Variants in SETBP1 observed in about 807,000 individuals in gnomAD.
The protein encoded by SETBP1 is SET-binding protein.
A neutral mutation model predicts 101.0 loss-of-function variants in SETBP1; 9 were observed. The observed-to-expected ratio is 0.09, with a 90% CI of 0.05 to 0.16. The LOEUF is 0.16. Ranked by LOEUF, SETBP1 falls within the 10% of genes least tolerant of loss-of-function variation. The pLI is 1.00. For synonymous variants in SETBP1, 818 were observed against 788.5 expected (o/e 1.04, Z -0.63); for missense variants, 1,858 against 2,033.8 (o/e 0.91, Z 1.66).
At chr18:44,980,349 T>C (rs1021034275) in intron 4 of SETBP1, among the ~76,000 whole-genome samples, 1 of 152,092 alleles carries the variant, frequency 6.6e-6, no homozygotes, top group Non-Finnish European at 1.5e-5. Flanking sequence ...TTTAGTAGGG[T>C]TGGAAATGAG....
Position 44,916,290 on chromosome 18 carries a change from C to G in SETBP1, c.541-33591C>G, listed in dbSNP as rs538843662. 2.0e-5 allele frequency among the ~76,000 whole-genome samples: 3 copies of G among 152,258 alleles called. No individual in the cohort carries two copies. The South Asian group carries it at 6.2e-4, about 32-fold the overall frequency. ...AATCATCCTTCTTATTGATGCTACT[C>G]TTAGTCCAAACAAACATCTGTTTCT... is the stretch of plus-strand genomic sequence containing the variant. On this transcript the variant is annotated intron_variant, in intron 3 of 5. Transcript: ENST00000649279.
intron 1 of SETBP1, among the ~76,000 whole-genome samples, chr18:44,699,813 C>A (rs553484854): frequency 6.6e-6 from 1 of 152,222 alleles, no homozygotes; most frequent in Non-Finnish European, 1.5e-5. Context: ...CTGGCTTCCT[C>A]ACAGGGCGTC....
At chr18:44,693,214 G>C (rs2068962755) in intron 1 of SETBP1, among the ~76,000 whole-genome samples, 1 of 152,152 alleles carries the variant, frequency 6.6e-6, no homozygotes, top group Admixed American at 6.5e-5. Flanking sequence ...AGTGGTGTCT[G>C]TCTGGCCTCT....
intron 3 of SETBP1, among the ~76,000 whole-genome samples, chr18:44,909,480 T>C (rs1244181122): frequency 1.3e-5 from 2 of 152,220 alleles, no homozygotes; most frequent in African/African-American, 4.8e-5. Flanking sequence ...TGAGGTTTTC[T>C]CATTCAGTCT....
chr18:44,962,297 G>A (rs2071628384), intron 4 of SETBP1, among the ~76,000 whole-genome samples: 1 of 152,198 alleles, frequency 6.6e-6, no homozygotes. Context: ...GAAGATATTT[G>A]AGGGGTACAG....
chr18:44,900,491 T>A (rs1188321906), intron 3 of SETBP1, among the ~76,000 whole-genome samples: 2 of 152,234 alleles, frequency 1.3e-5, no homozygotes, highest in East Asian at 3.9e-4. Context: ...CTGTGTTTCA[T>A]AAGAAAATAG....
chr18:44,799,088 C>A (rs1434804505), intron 2 of SETBP1, among the ~76,000 whole-genome samples: 1 of 152,156 alleles, frequency 6.6e-6, no homozygotes, highest in East Asian at 1.9e-4. Flanking sequence ...GAGATCTGGC[C>A]TACAAGAAAC....
chr18:44,701,357 G>T lies in SETBP1; in HGVS notation c.11G>T (p.Arg4Met). Reference protein sequence around the residue: MESRETLSSSRQRG... With the variant: MESMETLSSSRQRG... ...ACTGTAGAGATTGTCATGGAGTCCA[G>T]GGAAACCTTAAGCAGCTCCCGGCAA... Residue 4 changes from arginine to methionine, a missense_variant, in exon 2 of 6, where the codon AGG (arginine) becomes ATG (methionine). Arg to Met is a moderately conservative substitution (Grantham distance 91). Around this residue, in one of 12 missense-constraint regions of SETBP1, gnomAD observed 97 missense variants for 101.2 expected, o/e 0.96. Transcript: ENST00000649279. 1 of 1,508,794 alleles carries T rather than the reference G, an allele frequency of 6.6e-7. No individual in the cohort carries two copies. Among genetic ancestry groups the T allele is most frequent in the Non-Finnish European group, 8.9e-7 (1 of 1,125,142 alleles). 93.5% of individuals were successfully genotyped at this position (1,508,794 alleles called of 1,614,324 possible).
intron 3 of SETBP1, among the ~76,000 whole-genome samples, chr18:44,889,020 A>G (rs2069710095): frequency 6.6e-6 from 1 of 152,092 alleles, no homozygotes; most frequent in Non-Finnish European, 1.5e-5. Flanking sequence ...CAGCAAATAA[A>G]TTTTATTTGC....
In SETBP1 at chr18:44,968,346, T is replaced by C. The variant is rs1380011186; in HGVS notation, c.4000+15006T>C. On this transcript the variant is annotated intron_variant, in intron 4 of 5. Transcript: ENST00000649279. ...ATGGATTTTATAGTCTATTAGTAGA[T>C]GTACAAGAAGAAGAAAAAGCAAATA... 2.0e-5 allele frequency among the ~76,000 whole-genome samples: 3 copies of C among 152,186 alleles called. No homozygotes were observed. In the East Asian group the frequency reaches 5.8e-4, roughly 29 times the overall value.
intron 2 of SETBP1, among the ~76,000 whole-genome samples, chr18:44,766,485 G>A (rs1034366790): frequency 6.6e-6 from 1 of 152,180 alleles, no homozygotes; most frequent in Non-Finnish European, 1.5e-5. Context: ...CAAGTATCTA[G>A]AGTAGTCACA....
chr18:44,855,634 G>A (rs572432215), intron 2 of SETBP1, among the ~76,000 whole-genome samples: 1 of 152,348 alleles, frequency 6.6e-6, no homozygotes, highest in South Asian at 2.1e-4. Context: ...CTTCAGGCTA[G>A]TAGCTTGACA....
chr18:44,801,229 A>G (rs1247387695), intron 2 of SETBP1, among the ~76,000 whole-genome samples: 1 of 152,138 alleles, frequency 6.6e-6, no homozygotes, highest in Admixed American at 6.5e-5. Flanking sequence ...ATGTATACAT[A>G]TGTAACAAAC....
chr18:44,688,538 C>A (rs1430090429), intron 1 of SETBP1, among the ~76,000 whole-genome samples: 1 of 151,720 alleles, frequency 6.6e-6, no homozygotes, highest in South Asian at 2.1e-4. Flanking sequence ...CTGCAACCTC[C>A]ACCTCCTGGG....
intron 3 of SETBP1, among the ~76,000 whole-genome samples, chr18:44,914,484 T>C (rs1568214365): frequency 6.6e-6 from 1 of 152,360 alleles, no homozygotes; most frequent in East Asian, 1.9e-4. Context: ...AAAGTCACAG[T>C]TTCTCTGTAT....
intron 2 of SETBP1, among the ~76,000 whole-genome samples, chr18:44,820,597 A>G (rs2072090820): frequency 6.6e-6 from 1 of 152,144 alleles, no homozygotes; most frequent in Non-Finnish European, 1.5e-5. Context: ...TCCATACTGG[A>G]GGAAAATAGT....
chr18:44,941,087 T>C (rs990625342), intron 3 of SETBP1, among the ~76,000 whole-genome samples: 8 of 145,370 alleles, frequency 5.5e-5, no homozygotes, highest in Admixed American at 2.1e-4. Flanking sequence ...CTTTTTTTTT[T>C]TTTTTTTTTT....
At position 44,712,417 on chromosome 18, in the gene SETBP1, T is replaced by C. The variant is rs192456301; in HGVS notation, c.486+10585T>C. ...CAGGCCAGTTATTTCATTTGTTTAGTGTTGTTCATGAGAACTCAGCTCAGG... is the reference window on the plus strand; with the variant it reads ...CAGGCCAGTTATTTCATTTGTTTAGCGTTGTTCATGAGAACTCAGCTCAGG... On this transcript the variant is annotated intron_variant, in intron 2 of 5. Coordinates refer to ENST00000649279, the MANE Select transcript of SETBP1 (RefSeq NM_015559.3). Among the ~76,000 whole-genome samples, 8 of 151,514 alleles carry C rather than the reference T, an allele frequency of 5.3e-5. No individual in the cohort carries two copies. The East Asian group carries it at 1.2e-3, about 22-fold the overall frequency.
At chr18:44,994,105 GAGA>G (rs2072440038) in intron 4 of SETBP1, among the ~76,000 whole-genome samples, 1 of 151,992 alleles carries the variant, frequency 6.6e-6, no homozygotes, top group Admixed American at 6.5e-5. Context: ...ACCAAAAAAG[GAGA>G]ATTTGGAATA....
Sources: allele counts gnomAD v4.1 joint callset (sites outside exome capture counted in the v4.1 genomes callset), GRCh38; gene constraint gnomAD v4.1.1; regional missense constraint gnomAD v4.1.1; transcripts MANE v1.5; gene names NCBI Gene and HGNC (gene_info 2026-07-23, HGNC 2026-07-21).